ACAA1: variants seen among roughly 807,000 people sequenced by gnomAD.
ACAA1 encodes acetyl-CoA acyltransferase 1.
In ACAA1, 44 loss-of-function variants were observed where a neutral mutation model predicts 48.8. The observed-to-expected ratio is 0.90, with a 90% CI of 0.71 to 1.16. The LOEUF (loss-of-function observed/expected upper bound fraction) is 1.16. Ranked by LOEUF, ACAA1 falls within the 50% of genes most tolerant of loss-of-function variation. The probability of loss-of-function intolerance (pLI) is 0.00; values close to 1 mark genes in which losing one functional copy is unlikely to be tolerated. For missense variants in ACAA1, 512 were observed against 562.3 expected (o/e 0.91, Z 0.90); for synonymous variants, 233 against 226.5 (o/e 1.03, Z -0.26).
At position 38,126,207 on chromosome 3, in the gene ACAA1, C is replaced by A. The variant is rs761933241; in HGVS notation, c.952G>T (p.Gly318Cys). 6.2e-7 allele frequency: 1 copy of A among 1,614,182 alleles called. No homozygotes were observed. Among genetic ancestry groups the A allele is most frequent in the Non-Finnish European group, 8.5e-7 (1 of 1,180,016 alleles). Residue 318 changes from glycine (G) to cysteine (C), a missense_variant, in exon 9 of 12, where the codon GGC becomes TGC. Gly to Cys is a radical substitution (Grantham distance 159). Transcript: ENST00000333167. This position sits in a 1 kb window ranked among gnomAD's most constrained non-coding sequence, Gnocchi z 4.7. ...GGGATGGCATAGGCAGGTCCAATGC[C>A]CATGATGTCAGGTGGGACCCCAACC... ...AVVGVPPDIMGIGPAYAIPVA... is the reference protein window; with the variant it reads ...AVVGVPPDIMCIGPAYAIPVA...
chr3:38,127,651 AC>A (rs1700704947), intron 7 of ACAA1, 134 bp downstream of exon 7: 9 of 817,026 alleles, frequency 1.1e-5, no homozygotes, highest in Non-Finnish European at 1.8e-5. Flanking sequence ...CCCACCCCCA[AC>A]CTGGGTGGCA....
Position 38,126,203 on chromosome 3 carries a change from A to G in ACAA1, c.956T>C (p.Ile319Thr), listed in dbSNP as rs140127056. Residue 319 changes from isoleucine (I) to threonine (T), a missense_variant, in exon 9 of 12, where the codon ATT (isoleucine) becomes ACT (threonine). Transcript: ENST00000333167. The surrounding 1 kb of genome is among the most constrained non-coding windows in gnomAD (Gnocchi z 4.7). ...VVGVPPDIMGIGPAYAIPVAL... is the reference protein window; with the variant it reads ...VVGVPPDIMGTGPAYAIPVAL... ...TACTGGGATGGCATAGGCAGGTCCA[A>G]TGCCCATGATGTCAGGTGGGACCCC... The G allele has an allele frequency of 3.1e-4, 496 of 1,614,188 alleles. No homozygotes were observed. The African/African-American group carries it at 5.6e-3, about 18-fold the overall frequency.
chr3:38,131,717 G>A (rs1700793092), intron 4 of ACAA1, 79 bp from the exon 5 acceptor site: 1 of 1,494,424 alleles, frequency 6.7e-7, no homozygotes, highest in Admixed American at 1.7e-5. Context: ...TCCCCACCTG[G>A]TCTCTAGATG....
At chr3:38,127,587 G>A in intron 7 of ACAA1, 199 bp downstream of exon 7, 2 of 613,420 alleles carry the variant, frequency 3.3e-6, no homozygotes, top group East Asian at 2.8e-5. Context: ...TGAACAGACA[G>A]TAATAGAACC....
Position 38,129,472 on chromosome 3 carries a change from T to TGTTCA in ACAA1, c.447-85_447-84insTGAAC. ...CAGAGATAGCTGAACACTTGGCAAG[T>TGTTCA]GCTAGGAAATAGCCAGGGAGCCCTA... On this transcript the variant is annotated intron_variant, in intron 5 of 11. Coordinates refer to ENST00000333167, the MANE Select transcript of ACAA1 (RefSeq NM_001607.4). This position sits in a 1 kb window ranked among gnomAD's most constrained non-coding sequence, Gnocchi z 5.3. 1 of 1,119,304 alleles carries TGTTCA rather than the reference T, an allele frequency of 8.9e-7. No homozygotes were observed. The highest frequency in any genetic ancestry group is 1.3e-6 in the Non-Finnish European group (1 of 761,652). 69.3% of individuals were successfully genotyped at this position (1,119,304 alleles called of 1,614,324 possible). A position where few individuals can be genotyped will look rare whatever the true frequency, so the allele number is the denominator to read the frequency against.
Position 38,123,086 on chromosome 3 carries a change from T to G in ACAA1, c.1236A>C (p.Gly412=), listed in dbSNP as rs1252633676. 1 of 1,614,102 alleles carries G rather than the reference T, an allele frequency of 6.2e-7. No homozygotes were observed. The highest frequency in any genetic ancestry group is 8.5e-7 in the Non-Finnish European group (1 of 1,180,004). ...ATTCAAAGACGGCAGCGGCTCCCAT[T>G]CCAGTCCCGATGCACATGGACACCA... The part of the protein sequence containing the change: ...YGVVSMCIGT[G]MGAAAVFEYP... The change falls in exon 12 of 12, where the codon GGA becomes GGC. Residue 412 remains glycine (G), a synonymous_variant. Coordinates refer to ENST00000333167, the MANE Select transcript of ACAA1 (RefSeq NM_001607.4).
At chr3:38,133,390 C>G (rs949289407) in intron 3 of ACAA1, 1 of 152,430 alleles carries the variant, frequency 6.6e-6, no homozygotes, top group Non-Finnish European at 1.5e-5. Context: ...TTTCCTGTTC[C>G]TTCACTAGCT....
chr3:38,133,710 CT>C, intron 3 of ACAA1: 1 of 552,034 alleles, frequency 1.8e-6, no homozygotes, highest in Non-Finnish European at 3.3e-6. Context: ...GACAACCTGG[CT>C]TTGGCTAAAA....
Position 38,129,516 on chromosome 3 carries a change from T to C in ACAA1, c.447-128A>G. 3 of 708,906 alleles carry C rather than the reference T, an allele frequency of 4.2e-6. No individual in the cohort carries two copies. The highest frequency in any genetic ancestry group is 7.0e-6 in the Non-Finnish European group (3 of 428,160). 43.9% of individuals were successfully genotyped at this position (708,906 alleles called of 1,614,324 possible). A position where few individuals can be genotyped will look rare whatever the true frequency, so the allele number is the denominator to read the frequency against. On this transcript the variant is annotated intron_variant, in intron 5 of 11. Transcript: ENST00000333167. The surrounding 1 kb of genome is among the most constrained non-coding windows in gnomAD (Gnocchi z 5.3). The stretch of plus-strand genomic sequence containing the variant: ...AGCCCTAGGAAGACCAGTGGGCCTC[T>C]GGGAGTCACAGGCAGGGCACTTGGC...
rs763955025 is a variant in ACAA1 at position 38,126,558 on chromosome 3, G to C, written c.769C>G (p.Leu257Val). ...GIRPSTTMEG[L>V]AKLKPAFKKD... ...TTGAAGGCAGGCTTCAGTTTGGCCA[G>C]GCCCTCCATGGTGGTGCTGGGGCGG... Residue 257 changes from leucine (L) to valine (V), a missense_variant, in exon 8 of 12, where the codon CTG becomes GTG. Leu to Val is a conservative substitution (Grantham distance 32). Transcript: ENST00000333167. The surrounding 1 kb of genome is among the most constrained non-coding windows in gnomAD (Gnocchi z 4.7). 2 of 1,614,220 alleles carry C rather than the reference G, an allele frequency of 1.2e-6. No individual in the cohort carries two copies. Among genetic ancestry groups the C allele is most frequent in the African/African-American group, 2.7e-5 (2 of 75,056 alleles).
intron 11 of ACAA1, 39 bp from the exon 12 acceptor site, chr3:38,123,161 C>T: frequency 1.3e-6 from 2 of 1,593,718 alleles, no homozygotes; most frequent in Non-Finnish European, 1.7e-6. Context: ...CAAAGGCACC[C>T]ACCAAATTAC....
intron 6 of ACAA1, among the ~76,000 whole-genome samples, chr3:38,128,623 CCTCT>C (rs1700725857): frequency 6.6e-6 from 1 of 151,964 alleles, no homozygotes; most frequent in Non-Finnish European, 1.5e-5. Flanking sequence ...ACAGAGTCTC[CCTCT>C]GTCACCCAGG....
rs1229724723 is a variant in ACAA1 at position 38,133,948 on chromosome 3, T to C, written c.323+4A>G. The stretch of plus-strand genomic sequence containing the variant: ...AACCCATGGCTAGAACTAGAAAAGT[T>C]TACCTCAGAAACTGGGCGATTCGGG... On this transcript the variant is annotated splice_donor_region_variant and intron_variant, in intron 3 of 11. Transcript: ENST00000333167. The C allele has an allele frequency of 1.2e-6, 2 of 1,614,134 alleles. No homozygotes were observed. The highest frequency in any genetic ancestry group is 1.7e-4 in the Middle Eastern group (1 of 6,060).
chr3:38,131,453 C>G, intron 5 of ACAA1, 143 bp downstream of exon 5: 1 of 799,526 alleles, frequency 1.3e-6, no homozygotes, highest in Middle Eastern at 2.3e-4. Context: ...CACTCTTAAC[C>G]TGCATTTGTG....
chr3:38,135,599 A>G (rs907319558), intron 2 of ACAA1, among the ~76,000 whole-genome samples: 2 of 152,112 alleles, frequency 1.3e-5, no homozygotes, highest in Non-Finnish European at 2.9e-5. Flanking sequence ...ACTTTACACA[A>G]ACATCTCAGT....
intron 5 of ACAA1, among the ~76,000 whole-genome samples, chr3:38,130,244 G>A (rs183039837): frequency 2.2e-4 from 33 of 152,304 alleles, no homozygotes; most frequent in African/African-American, 6.0e-4. Flanking sequence ...TGCTTTTCAC[G>A]TGCCCAGCAC....
chr3:38,134,176 G>T, intron 2 of ACAA1, 167 bp from the exon 3 acceptor site: 1 of 647,584 alleles, frequency 1.5e-6, no homozygotes, highest in Non-Finnish European at 2.7e-6. Flanking sequence ...GGGAGAGCCA[G>T]CCATACAACA....
At chr3:38,134,706 A>G (rs1481399773) in intron 2 of ACAA1, among the ~76,000 whole-genome samples, 2 of 152,228 alleles carry the variant, frequency 1.3e-5, no homozygotes, top group Non-Finnish European at 2.9e-5. Flanking sequence ...GTTTGCAGAC[A>G]GTATGCTTGG....
chr3:38,131,857 G>A lies in ACAA1; in HGVS notation c.403+69C>T. The A allele has an allele frequency of 2.7e-6, 4 of 1,455,652 alleles. No individual in the cohort carries two copies. The South Asian group carries it at 4.6e-5, about 17-fold the overall frequency. 90.2% of individuals were successfully genotyped at this position (1,455,652 alleles called of 1,614,324 possible). On this transcript the variant is annotated intron_variant, in intron 4 of 11. Transcript: ENST00000333167. ...AGAAATGGTAATTATTGCTTGCCCG[G>A]CAGACAGCGACTTTGCTGACCCAAA...
Sources: allele counts gnomAD v4.1 joint callset (sites outside exome capture counted in the v4.1 genomes callset), GRCh38; gene constraint gnomAD v4.1.1; non-coding constraint Gnocchi (gnomAD v3.1); transcripts MANE v1.5; gene names NCBI Gene and HGNC (gene_info 2026-07-23, HGNC 2026-07-21).